INTU: variants seen among roughly 807,000 people sequenced by gnomAD.
INTU encodes the protein protein inturned.
Under a neutral mutation model 100.5 loss-of-function variants are expected in INTU, and 68 were observed. The observed-to-expected ratio is 0.68, with a 90% CI of 0.56 to 0.83. INTU has a LOEUF of 0.83. Ranked by LOEUF, INTU falls within the 40% of genes least tolerant of loss-of-function variation. The pLI is 0.00. For missense variants in INTU, 1,071 were observed against 1,114.7 expected, an observed-to-expected ratio of 0.96 and a Z score of 0.56; for synonymous variants, 357 against 395.7, an observed-to-expected ratio of 0.90 and a Z score of 1.16.
chr4:127,637,233 C>T (rs1727111998), intron 1 of INTU, among the ~76,000 whole-genome samples: 1 of 152,194 alleles, frequency 6.6e-6, no homozygotes, highest in Admixed American at 6.5e-5. Flanking sequence ...CTGATTTCTC[C>T]TGTCTGTGGT....
chr4:127,688,229 A>G (rs929343652), intron 8 of INTU, among the ~76,000 whole-genome samples: 1 of 152,100 alleles, frequency 6.6e-6, no homozygotes, highest in African/African-American at 2.4e-5. Flanking sequence ...AGTGGATGAC[A>G]TGGTTGACTA....
intron 1 of INTU, among the ~76,000 whole-genome samples, chr4:127,634,625 T>TA (rs143058522): frequency 6.6e-6 from 1 of 152,216 alleles, no homozygotes; most frequent in East Asian, 1.9e-4. Context: ...TTTTAGCTTT[T>TA]AAAAAATGAT....
rs1464372541 is a variant in INTU at position 127,720,761 on chromosome 4, G to A, written c.*4325G>A. On this transcript the variant is annotated 3_prime_UTR_variant, in exon 16 of 16. Transcript: ENST00000335251. ...TTTGTCTTTTTTTTAATCTTTATTCGTTTAAAGTCTTTGTCAGAAACTAGG... is the reference window on the plus strand; with the variant it reads ...TTTGTCTTTTTTTTAATCTTTATTCATTTAAAGTCTTTGTCAGAAACTAGG... 6.6e-6 allele frequency: 1 copy of A among 151,636 alleles called. No individual in the cohort carries two copies. Among genetic ancestry groups the A allele is most frequent in the Non-Finnish European group, 1.5e-5 (1 of 67,954 alleles). The allele number at this position is 151,636 out of a possible 1,614,324, so 9.4% of individuals were successfully genotyped here. A position where few individuals can be genotyped will look rare whatever the true frequency, so the allele number is the denominator to read the frequency against.
Position 127,705,800 on chromosome 4 carries a change from A to G in INTU, c.1776A>G (p.Leu592=). Residue 592 remains leucine (L), a synonymous_variant, in exon 11 of 16, where the codon CTA becomes CTG. Coordinates refer to ENST00000335251, the MANE Select transcript of INTU (RefSeq NM_015693.4). ...AACCTGAAGGAAGATATTTTTTGCT[A>G]GTTGTTGGCTTGGTAAGTTTACCTC... ...FPEPEGRYFL[L]VVGLKHYMLC... 4.3e-6 allele frequency: 7 copies of G among 1,613,680 alleles called. No homozygotes were observed. Among genetic ancestry groups the G allele is most frequent in the Non-Finnish European group, 5.9e-6 (7 of 1,179,732 alleles).
At chr4:127,650,199 T>A (rs983867345) in intron 2 of INTU, among the ~76,000 whole-genome samples, 16 of 152,166 alleles carry the variant, frequency 1.1e-4, no homozygotes, top group Non-Finnish European at 2.2e-4. Context: ...TCAGGTGGGT[T>A]TTTGTTTTGT....
chr4:127,647,663 G>A (rs975569554), intron 2 of INTU, among the ~76,000 whole-genome samples: 2 of 151,932 alleles, frequency 1.3e-5, no homozygotes, highest in Non-Finnish European at 2.9e-5. Context: ...TCAGTGGGGG[G>A]TTTTTTGGTA....
rs759215133 is a variant in INTU at position 127,643,972 on chromosome 4, G to A, written c.598G>A (p.Gly200Arg). ...HQTKWSWRRT[G>R]KQGDGERLVV... The stretch of plus-strand genomic sequence containing the variant: ...GACCAAGTGGAGCTGGAGAAGAACC[G>A]GAAAGCAGGGTGATGGAGAGAGGCT... Residue 200 changes from glycine to arginine, a missense_variant, in exon 2 of 16, where the codon GGA becomes AGA. Physicochemically the swap from Gly to Arg is moderately radical, Grantham distance 125. Coordinates refer to ENST00000335251, the MANE Select transcript of INTU (RefSeq NM_015693.4). 26 of 1,614,044 alleles carry A rather than the reference G, an allele frequency of 1.6e-5. No homozygotes were observed. In the East Asian group the frequency reaches 4.0e-4, roughly 25 times the overall value.
At chr4:127,707,625 A>G (rs2148733505) in intron 12 of INTU, among the ~76,000 whole-genome samples, 1 of 151,884 alleles carries the variant, frequency 6.6e-6, no homozygotes, top group East Asian at 1.9e-4. Context: ...AGAACCCTAA[A>G]TGTGTGTATT....
chr4:127,668,909 A>C (rs1321512464), intron 4 of INTU, 127 bp from the exon 5 acceptor site: 1 of 546,054 alleles, frequency 1.8e-6, no homozygotes, highest in Non-Finnish European at 3.4e-6. Flanking sequence ...CTTGTGTTTG[A>C]ACAAAACTCC....
Position 127,663,429 on chromosome 4 carries a change from C to T in INTU, c.817C>T (p.His273Tyr), listed in dbSNP as rs1176904927. ...ATATGATGTGAAAAGGGAGACGTCC[C>T]ATCCAAGACAGAAAAAGACACAGTC... Reference protein sequence around the residue: ...NAYDVKRETSHPRQKKTQSNT... With the variant: ...NAYDVKRETSYPRQKKTQSNT... The change falls in exon 4 of 16, where the codon CAT (histidine) becomes TAT (tyrosine). Residue 273 changes from histidine (H) to tyrosine (Y), a missense_variant. Transcript: ENST00000335251. The T allele has an allele frequency of 1.1e-5, 17 of 1,613,064 alleles. No individual in the cohort carries two copies. The highest frequency in any genetic ancestry group is 9.4e-5 in the African/African-American group (7 of 74,866).
intron 8 of INTU, among the ~76,000 whole-genome samples, chr4:127,689,935 G>T (rs995423104): frequency 3.3e-5 from 5 of 152,128 alleles, no homozygotes; most frequent in African/African-American, 4.8e-5. Context: ...GAGTCAGAAG[G>T]TACCATCTCG....
At position 127,705,644 on chromosome 4, in the gene INTU, A is replaced by G. The variant is rs1307892339; in HGVS notation, c.1620A>G (p.Val540=). ...AGGATGATCTTATTGATATTGCCGT[A>G]TACTGTCGCCACTATTGCCTGCTGC... ...LPKDDLIDIA[V]YCRHYCLLPL... is the part of the protein sequence containing the mutation. Residue 540 remains valine, a synonymous_variant, in exon 11 of 16, where the codon GTA becomes GTG. Transcript: ENST00000335251. The G allele has an allele frequency of 6.2e-7, 1 of 1,614,022 alleles. No homozygotes were observed. The highest frequency in any genetic ancestry group is 8.5e-7 in the Non-Finnish European group (1 of 1,179,924).
At position 127,724,424 on chromosome 4, in the gene INTU, A is replaced by G. The variant is rs1731389892; in HGVS notation, c.*7988A>G. 1 of 151,470 alleles carries G rather than the reference A, an allele frequency of 6.6e-6. No individual in the cohort carries two copies. The allele number at this position is 151,470 out of a possible 1,614,324, so 9.4% of individuals were successfully genotyped here. On this transcript the variant is annotated 3_prime_UTR_variant, in exon 16 of 16. Transcript: ENST00000335251. Reference sequence around the variant, plus strand: ...AACAGAATGAGACTCCGTCTCAAAAAAAAAAAAAAAAATACTAACTTTTAT... The same window carrying G: ...AACAGAATGAGACTCCGTCTCAAAAGAAAAAAAAAAAATACTAACTTTTAT...
At position 127,706,854 on chromosome 4, in the gene INTU, GT is replaced by G; in HGVS notation, c.2158del (p.Cys720ValfsTer30). ...TGTAGTAGTGGAGGATCTGACAATGGTTGTGAAGGTGGAGAAGATGATGGCT... is the reference window on the plus strand; with the variant it reads ...TGTAGTAGTGGAGGATCTGACAATGGTGTGAAGGTGGAGAAGATGATGGCT... ...PSCSSGGSDN[G>X]CEGGEDDGFS... On this transcript the variant is annotated frameshift_variant, in exon 12 of 16. Transcript: ENST00000335251. LOFTEE classifies it high-confidence loss of function. 6.2e-7 allele frequency: 1 copy of G among 1,614,078 alleles called. No homozygotes were observed. Among genetic ancestry groups the G allele is most frequent in the Non-Finnish European group, 8.5e-7 (1 of 1,179,978 alleles).
chr4:127,667,809 G>A (rs1204890501), intron 4 of INTU, among the ~76,000 whole-genome samples: 1 of 152,046 alleles, frequency 6.6e-6, no homozygotes. Context: ...TATTTGGCCA[G>A]CATATTCTAT....
intron 4 of INTU, among the ~76,000 whole-genome samples, chr4:127,666,911 T>C (rs192953981): frequency 1.0e-3 from 156 of 152,316 alleles, no homozygotes; most frequent in Non-Finnish European, 1.3e-3. Flanking sequence ...TTGTGTTGCT[T>C]CATATATCAA....
intron 8 of INTU, among the ~76,000 whole-genome samples, chr4:127,691,980 A>ATATATGTGTGTG (rs971919620): frequency 1.4e-5 from 2 of 143,360 alleles, no homozygotes; most frequent in African/African-American, 5.3e-5. Flanking sequence ...ATATATATAT[A>ATATATGTGTGTG]TGTCACATTT....
chr4:127,660,325 A>G (rs1361513278), intron 3 of INTU, among the ~76,000 whole-genome samples: 3 of 152,206 alleles, frequency 2.0e-5, no homozygotes, highest in Non-Finnish European at 4.4e-5. Context: ...TGGAGGAGAG[A>G]TAATCTGCTG....
At chr4:127,678,293 T>G (rs555880324) in intron 6 of INTU, among the ~76,000 whole-genome samples, 2 of 151,710 alleles carry the variant, frequency 1.3e-5, no homozygotes, top group South Asian at 4.2e-4. Context: ...CCAAGACACA[T>G]AATTGTCAGA....
Sources: gnomAD v4.1 joint callset for allele counts (sites outside exome capture counted in the v4.1 genomes callset) on GRCh38, gnomAD v4.1.1 for gene constraint, MANE v1.5 for transcripts, NCBI Gene and HGNC (gene_info 2026-07-23, HGNC 2026-07-21) for gene names.